The following FGFR1 variants were observed in gnomAD, a reference collection of about 807,000 sequenced individuals.
The protein encoded by FGFR1 is fibroblast growth factor receptor 1, also known as FGFR1/PLAG1 fusion.
Under a neutral mutation model 93.7 loss-of-function variants are expected in FGFR1, and 18 were observed. The observed-to-expected ratio is 0.19, with a 90% CI of 0.13 to 0.28. The LOEUF (loss-of-function observed/expected upper bound fraction) is 0.28. Among genes scored for constraint, FGFR1 ranks in the 10% least tolerant of loss-of-function variants. FGFR1 has a pLI of 1.00. For synonymous variants in FGFR1, 448 were observed against 429.3 expected (o/e 1.04, Z -0.54); for missense variants, 731 against 1,080.4 (o/e 0.68, Z 4.53).
At chr8:38,466,726 T>TA (rs1835601114) in intron 1 of FGFR1, 1 of 206,264 alleles carries the variant, frequency 4.8e-6, no homozygotes, top group African/African-American at 2.3e-5. Flanking sequence ...AGAGGGAAGT[T>TA]AATAATGCGG....
chr8:38,448,576 A>G (rs1279201124), intron 2 of FGFR1, among the ~76,000 whole-genome samples: 1 of 152,254 alleles, frequency 6.6e-6, no homozygotes, highest in Non-Finnish European at 1.5e-5. Flanking sequence ...TGCTGACTAT[A>G]GAGAACTTTG....
chr8:38,452,733 T>C (rs1416613552), intron 2 of FGFR1, among the ~76,000 whole-genome samples: 1 of 151,950 alleles, frequency 6.6e-6, no homozygotes, highest in African/African-American at 2.4e-5. Context: ...TCCCAGCACT[T>C]TGGGAGGCCG....
intron 3 of FGFR1, chr8:38,428,698 C>T (rs999269822): frequency 9.8e-5 from 51 of 518,174 alleles, no homozygotes; most frequent in African/African-American, 9.0e-4. Flanking sequence ...TCCTATTTAA[C>T]TTAATTCCGT....
chr8:38,427,308 C>T (rs1821145454), intron 5 of FGFR1, among the ~76,000 whole-genome samples: 1 of 152,088 alleles, frequency 6.6e-6, no homozygotes, highest in Non-Finnish European at 1.5e-5. Context: ...GAGACAGAGT[C>T]TCACTCTGTC....
intron 2 of FGFR1, among the ~76,000 whole-genome samples, chr8:38,431,996 C>T (rs945765858): frequency 3.3e-5 from 5 of 152,152 alleles, no homozygotes; most frequent in Admixed American, 2.0e-4. Context: ...CAAATGACCT[C>T]GGTGATTAAA....
At chr8:38,461,241 G>T in intron 1 of FGFR1, 1 of 956,072 alleles carries the variant, frequency 1.0e-6, no homozygotes, top group Non-Finnish European at 1.5e-6. Context: ...ACGTGACCTT[G>T]AAGCTCTCCC....
In FGFR1 at chr8:38,429,815, T is replaced by C. The variant is rs1160394922; in HGVS notation, c.225A>G (p.Glu75=). ...NWLRDGVQLA[E]SNRTRITGEE... Reference sequence around the variant, plus strand: ...CCCCTGTGATGCGGGTGCGGTTGCTTTCCGCCAGCTGCACCCCGTCCCGCA... The same window carrying C: ...CCCCTGTGATGCGGGTGCGGTTGCTCTCCGCCAGCTGCACCCCGTCCCGCA... The change falls in exon 3 of 18, where the codon GAA becomes GAG. Residue 75 remains glutamate (E), a synonymous_variant. Coordinates refer to ENST00000447712, the MANE Select transcript of FGFR1 (RefSeq NM_023110.3). This position sits in a 1 kb window ranked among gnomAD's most constrained non-coding sequence, Gnocchi z 4.4. The C allele has an allele frequency of 6.2e-7, 1 of 1,613,794 alleles. No individual in the cohort carries two copies. Among genetic ancestry groups the C allele is most frequent in the Non-Finnish European group, 8.5e-7 (1 of 1,179,904 alleles).
At chr8:38,414,700 G>C in intron 14 of FGFR1, 71 bp from the exon 15 acceptor site, 1 of 1,613,364 alleles carries the variant, frequency 6.2e-7, no homozygotes, top group Non-Finnish European at 8.5e-7. Flanking sequence ...GAAGGGACTG[G>C]GGGGTGGGTT....
intron 1 of FGFR1, chr8:38,466,498 C>G (rs1835534109): frequency 4.3e-6 from 1 of 231,300 alleles, no homozygotes; most frequent in Non-Finnish European, 8.6e-6. Flanking sequence ...CAAGATGCCT[C>G]TTTACTGCGC....
chr8:38,459,006 AG>A (rs1461450073), intron 1 of FGFR1: 1 of 225,642 alleles, frequency 4.4e-6, no homozygotes. Context: ...ACTGAGTCAA[AG>A]ATGGCTCACA....
rs1416242115 is a variant in FGFR1, at chr8:38,457,475, A to C, written c.-29T>G. 5 of 1,613,604 alleles carry C rather than the reference A, an allele frequency of 3.1e-6. No homozygotes were observed. Among genetic ancestry groups the C allele is most frequent in the Non-Finnish European group, 4.2e-6 (5 of 1,179,880 alleles). ...AGTTCTGCAGTTAGAGGTTGGTGAC[A>C]AGGCTCCACATCTCCATGGATACTC... On this transcript the variant is annotated 5_prime_UTR_variant, in exon 2 of 18. Transcript: ENST00000447712.
Position 38,411,702 on chromosome 8 carries a change from A to G in FGFR1, c.*1926T>C, listed in dbSNP as rs1186994557. 5 of 230,844 alleles carry G rather than the reference A, an allele frequency of 2.2e-5. No homozygotes were observed. Among genetic ancestry groups the G allele is most frequent in the Non-Finnish European group, 4.3e-5 (5 of 116,412 alleles). 14.3% of individuals were successfully genotyped at this position (230,844 alleles called of 1,614,324 possible). ...TAGTTTGAGCCATGAGGTACGGGGG[A>G]GCCAGAATCCACTTAGTGAGGACAG... On this transcript the variant is annotated 3_prime_UTR_variant, in exon 18 of 18. Coordinates refer to ENST00000447712, the MANE Select transcript of FGFR1 (RefSeq NM_023110.3).
chr8:38,446,830 A>C (rs1007699144), intron 2 of FGFR1, among the ~76,000 whole-genome samples: 2 of 152,174 alleles, frequency 1.3e-5, no homozygotes, highest in Non-Finnish European at 2.9e-5. Flanking sequence ...CCATATTAGA[A>C]GCAATCTAGT....
At chr8:38,425,974 G>A (rs544355982) in intron 6 of FGFR1, 148 bp downstream of exon 6, 6 of 991,224 alleles carry the variant, frequency 6.1e-6, no homozygotes, top group Admixed American at 1.7e-5. Context: ...GCTCAAAAGG[G>A]AGAAGTGACC....
rs1817473779 is a variant in FGFR1, at chr8:38,418,310, A to T, written c.1348T>A (p.Ser450Thr). The change falls in exon 10 of 18, where the codon TCC (serine) becomes ACC (threonine). Residue 450 changes from serine (S) to threonine (T), a missense_variant. Physicochemically the swap from Ser to Thr is moderately conservative, Grantham distance 58 (BLOSUM62 1). Around this residue, in one of 10 missense-constraint regions of FGFR1, gnomAD observed 146 missense variants for 173.0 expected, o/e 0.84. Transcript: ENST00000447712. The part of the protein sequence containing the change: ...GVLLVRPSRL[S>T]SSGTPMLAGV... ...GCTAGCATGGGAGTCCCACTGGAGG[A>T]GAGCCGTGATGGCCGAACCAGAAGA... is the stretch of plus-strand genomic sequence containing the variant. The T allele has an allele frequency of 1.2e-6, 2 of 1,614,216 alleles. No individual in the cohort carries two copies. Among genetic ancestry groups the T allele is most frequent in the Non-Finnish European group, 1.7e-6 (2 of 1,180,030 alleles).
chr8:38,418,214 CA>C lies in FGFR1; in HGVS notation c.1430+13del. 11 of 1,614,148 alleles carry C rather than the reference CA, an allele frequency of 6.8e-6. No individual in the cohort carries two copies. Among genetic ancestry groups the C allele is most frequent in the Non-Finnish European group, 9.3e-6 (11 of 1,180,028 alleles). On this transcript the variant is annotated intron_variant, in intron 10 of 17. Coordinates refer to ENST00000447712, the MANE Select transcript of FGFR1 (RefSeq NM_023110.3). ...GGAATGCCTTCAAAAAGTTGGGAGT[CA>C]AAGTATTATTACCTGTCCCGAGGCA...
Position 38,426,083 on chromosome 8 carries a change from C to G in FGFR1, c.745+39G>C. On this transcript the variant is annotated intron_variant, in intron 6 of 17. Transcript: ENST00000447712. The surrounding 1 kb of genome is among the most constrained non-coding windows in gnomAD (Gnocchi z 4.1). ...CTGTGTTCTCCAAGCCTGGCTCTTC[C>G]CACTAAACTCATTCCTCCTGCTGCC... The G allele has an allele frequency of 6.2e-7, 1 of 1,613,742 alleles. No individual in the cohort carries two copies. Among genetic ancestry groups the G allele is most frequent in the Non-Finnish European group, 8.5e-7 (1 of 1,179,956 alleles).
chr8:38,442,362 G>GGTGTGTGT (rs56889687), intron 2 of FGFR1, among the ~76,000 whole-genome samples: 7,782 of 145,990 alleles, frequency 0.053, 261 homozygotes, highest in Non-Finnish European at 0.073. Flanking sequence ...TTGTTAAAGT[G>GGTGTGTGT]GTGTGTGTGT....
intron 2 of FGFR1, chr8:38,435,074 T>A (rs1351696440): frequency 1.3e-5 from 2 of 152,262 alleles, no homozygotes; most frequent in Non-Finnish European, 2.9e-5. Flanking sequence ...TTCACCATGC[T>A]GGTCAGGCTG....
Sources: allele counts gnomAD v4.1 joint callset (sites outside exome capture counted in the v4.1 genomes callset), GRCh38; gene constraint gnomAD v4.1.1; regional missense constraint gnomAD v4.1.1; non-coding constraint Gnocchi (gnomAD v3.1); transcripts MANE v1.5; gene names NCBI Gene and HGNC (gene_info 2026-07-23, HGNC 2026-07-21).